Variants in HPSE2 observed in about 807,000 individuals in gnomAD.
HPSE2 encodes the protein inactive heparanase-2.
HPSE2 carries 38 observed loss-of-function variants against 60.5 expected under a neutral mutation model. The observed-to-expected ratio is 0.63, with a 90% CI of 0.48 to 0.82. The LOEUF (loss-of-function observed/expected upper bound fraction) is 0.82, where lower values mean the gene tolerates loss of function less well. HPSE2 is among the 40% of genes least tolerant of loss of function. HPSE2 has a pLI of 0.00. For missense variants in HPSE2, 713 were observed against 740.4 expected (o/e 0.96, Z 0.43); for synonymous variants, 295 against 293.2 (o/e 1.01, Z -0.06).
At chr10:98,635,998 G>C (rs1946488986) in intron 7 of HPSE2, among the ~76,000 whole-genome samples, 1 of 152,090 alleles carries the variant, frequency 6.6e-6, no homozygotes, top group Non-Finnish European at 1.5e-5. Context: ...TAAAAGTAGA[G>C]AGTAAAACAG....
At chr10:98,719,020 A>T (rs1024374196) in intron 5 of HPSE2, among the ~76,000 whole-genome samples, 2 of 152,186 alleles carry the variant, frequency 1.3e-5, no homozygotes, top group Non-Finnish European at 1.5e-5. Context: ...TATCAATAAA[A>T]TTTTTTAAAA....
chr10:98,929,007 TAAATAAATA>T (rs1170609436), intron 3 of HPSE2, among the ~76,000 whole-genome samples: 4 of 140,762 alleles, frequency 2.8e-5, no homozygotes, highest in Non-Finnish European at 4.5e-5. Context: ...AATAAATAAA[TAAATAAATA>T]AATATTTTTT....
intron 9 of HPSE2, among the ~76,000 whole-genome samples, chr10:98,558,144 G>A (rs936562770): frequency 6.6e-6 from 1 of 152,058 alleles, no homozygotes; most frequent in Non-Finnish European, 1.5e-5. Context: ...GTGTTGACAA[G>A]GCTGTGGAGA....
At chr10:99,196,111 A>G (rs1273472922) in intron 2 of HPSE2, among the ~76,000 whole-genome samples, 2 of 152,206 alleles carry the variant, frequency 1.3e-5, no homozygotes, top group Admixed American at 6.5e-5. Context: ...TGGGGAAAGG[A>G]CAGTCTCTTC....
chr10:99,216,565 G>A (rs1351842749), intron 2 of HPSE2, among the ~76,000 whole-genome samples: 1 of 152,160 alleles, frequency 6.6e-6, no homozygotes, highest in African/African-American at 2.4e-5. Flanking sequence ...GGTGACACCT[G>A]TGGAATCCTC....
chr10:98,633,624 T>C (rs1946422137), intron 7 of HPSE2, among the ~76,000 whole-genome samples: 1 of 152,202 alleles, frequency 6.6e-6, no homozygotes, highest in African/African-American at 2.4e-5. Flanking sequence ...TATGTTATGT[T>C]ATCAGTGAGT....
At chr10:98,704,699 C>G (rs1229206064) in intron 5 of HPSE2, among the ~76,000 whole-genome samples, 5 of 152,154 alleles carry the variant, frequency 3.3e-5, no homozygotes, top group African/African-American at 1.2e-4. Flanking sequence ...GGAAAACTGG[C>G]TAGCCATATG....
chr10:98,842,897 T>C (rs983389410), intron 3 of HPSE2, among the ~76,000 whole-genome samples: 1 of 152,178 alleles, frequency 6.6e-6, no homozygotes, highest in African/African-American at 2.4e-5. Context: ...CACTGTCTTT[T>C]TACTGTCTCC....
At chr10:98,697,633 A>T (rs1948264181) in intron 5 of HPSE2, among the ~76,000 whole-genome samples, 1 of 152,222 alleles carries the variant, frequency 6.6e-6, no homozygotes, top group African/African-American at 2.4e-5. Flanking sequence ...ATAGGCCAAC[A>T]TTCAAATTCA....
chr10:98,530,131 G>A (rs1194882406), intron 9 of HPSE2, among the ~76,000 whole-genome samples: 1 of 152,122 alleles, frequency 6.6e-6, no homozygotes, highest in East Asian at 1.9e-4. Context: ...TTTCCTTCTG[G>A]CTGCTTCATT....
At chr10:99,180,034 G>C (rs1275769916) in intron 2 of HPSE2, among the ~76,000 whole-genome samples, 1 of 152,196 alleles carries the variant, frequency 6.6e-6, no homozygotes, top group African/African-American at 2.4e-5. Flanking sequence ...TTAATAAATG[G>C]TGTTGGGAAA....
At chr10:98,940,550 G>A (rs1954961437) in intron 3 of HPSE2, among the ~76,000 whole-genome samples, 1 of 143,134 alleles carries the variant, frequency 7.0e-6, no homozygotes, top group South Asian at 2.1e-4. Flanking sequence ...TTGAATCTCT[G>A]AATAGACCAA....
intron 9 of HPSE2, among the ~76,000 whole-genome samples, chr10:98,537,718 AG>A (rs1056734781): frequency 1.9e-4 from 29 of 152,274 alleles, no homozygotes; most frequent in African/African-American, 6.5e-4. Flanking sequence ...AGACCGCGAA[AG>A]GGAGTCTCCT....
At chr10:98,514,889 T>G (rs1591298645) in intron 9 of HPSE2, among the ~76,000 whole-genome samples, 1 of 151,792 alleles carries the variant, frequency 6.6e-6, no homozygotes, top group Non-Finnish European at 1.5e-5. Flanking sequence ...CGGCTATTTT[T>G]TTTTTTGTAT....
intron 3 of HPSE2, among the ~76,000 whole-genome samples, chr10:98,777,622 G>T (rs964651936): frequency 6.6e-6 from 1 of 152,082 alleles, no homozygotes; most frequent in African/African-American, 2.4e-5. Flanking sequence ...TTATTAATTT[G>T]TTGTTTGTCC....
intron 3 of HPSE2, among the ~76,000 whole-genome samples, chr10:98,806,537 A>G (rs1951045774): frequency 6.6e-6 from 1 of 152,228 alleles, no homozygotes; most frequent in African/African-American, 2.4e-5. Flanking sequence ...AGCTCTCTGA[A>G]AAATGGGAAT....
intron 3 of HPSE2, among the ~76,000 whole-genome samples, chr10:98,931,861 T>C (rs1954649519): frequency 6.9e-6 from 1 of 144,100 alleles, no homozygotes; most frequent in Admixed American, 6.9e-5. Context: ...CTTAAGAACC[T>C]TTTGGGCTGA....
chr10:98,666,862 A>C (rs1488529779), intron 6 of HPSE2, among the ~76,000 whole-genome samples: 1 of 152,102 alleles, frequency 6.6e-6, no homozygotes, highest in Admixed American at 6.5e-5. Flanking sequence ...CTAACATTGC[A>C]CCTAGAGAAA....
chr10:99,114,345 T>C (rs1249658357), intron 3 of HPSE2, among the ~76,000 whole-genome samples: 1 of 152,246 alleles, frequency 6.6e-6, no homozygotes, highest in African/African-American at 2.4e-5. Context: ...CAATGAGTTT[T>C]GATGTGATGT....
Sources: allele counts gnomAD v4.1 joint callset (sites outside exome capture counted in the v4.1 genomes callset), GRCh38; gene constraint gnomAD v4.1.1; transcripts MANE v1.5; gene names NCBI Gene and HGNC (gene_info 2026-07-23, HGNC 2026-07-21).